Variants in INSL6 observed in about 807,000 individuals in gnomAD.
INSL6 encodes the protein insulin-like peptide INSL6.
A neutral mutation model predicts 9.4 loss-of-function variants in INSL6; 16 were observed. That is an observed-to-expected ratio of 1.70 (90% CI 1.15 to 2.59). The LOEUF (loss-of-function observed/expected upper bound fraction) is 2.59. Among genes scored for constraint, INSL6 ranks in the 30% most tolerant of loss-of-function variants. The probability of loss-of-function intolerance (pLI) is 0.00; values close to 1 mark genes in which losing one functional copy is unlikely to be tolerated. For missense variants in INSL6, 391 were observed against 257.3 expected, an observed-to-expected ratio of 1.52 and a Z score of -3.56; for synonymous variants, 154 against 96.9, an observed-to-expected ratio of 1.59 and a Z score of -3.46.
the INSL6 span, chr9:5,080,793 G>A: frequency 1.3e-6 from 1 of 777,954 alleles, no homozygotes; most frequent in South Asian, 3.1e-5. Context: ...TGTCATTTGG[G>A]CCCTCTTAAT....
chr9:5,156,730 T>G (rs1824820768), intron 2 of INSL6, among the ~76,000 whole-genome samples: 2 of 151,838 alleles, frequency 1.3e-5, no homozygotes, highest in African/African-American at 4.8e-5. Context: ...AAAGAAAAAA[T>G]AAAAGTCTCT....
the INSL6 span, among the ~76,000 whole-genome samples, chr9:5,073,072 C>T: frequency 6.6e-6 from 1 of 152,110 alleles, no homozygotes; most frequent in African/African-American, 2.4e-5. Context: ...TGGCCAGTTG[C>T]CAGAGCTCTG....
At chr9:5,180,118 T>C (rs1291539117) in intron 1 of INSL6, among the ~76,000 whole-genome samples, 7 of 152,210 alleles carry the variant, frequency 4.6e-5, no homozygotes, top group African/African-American at 1.7e-4. Context: ...GAACATAAAT[T>C]GTGAAGATTT....
the INSL6 span, among the ~76,000 whole-genome samples, chr9:5,005,522 C>G: frequency 4.6e-3 from 705 of 152,120 alleles, 6 homozygotes; most frequent in African/African-American, 0.016. Flanking sequence ...TTCATTTGGT[C>G]AAGATGTATT....
chr9:5,078,250 A>G, the INSL6 span: 1 of 1,437,158 alleles, frequency 7.0e-7, no homozygotes, highest in Admixed American at 1.9e-5. Context: ...GAACATACTA[A>G]ATGCTCCAGT....
chr9:5,123,539 T>G (rs1051805844), downstream of INSL6, among the ~76,000 whole-genome samples: 1 of 151,994 alleles, frequency 6.6e-6, no homozygotes, highest in Admixed American at 6.6e-5. Context: ...ATTTTCTTTA[T>G]CCAGTCATCC....
the INSL6 span, among the ~76,000 whole-genome samples, chr9:5,078,700 T>C: frequency 5.2e-3 from 787 of 152,278 alleles, 12 homozygotes; most frequent in African/African-American, 0.018. Flanking sequence ...AAGGATAGGA[T>C]TTTATCCATT....
the INSL6 span, among the ~76,000 whole-genome samples, chr9:4,998,752 A>G: frequency 1.3e-5 from 2 of 150,638 alleles, no homozygotes; most frequent in East Asian, 3.9e-4. Flanking sequence ...AAAAAAAAAA[A>G]CAACAAAAAA....
intron 2 of INSL6, among the ~76,000 whole-genome samples, chr9:5,145,032 T>G (rs1290571352): frequency 6.6e-6 from 1 of 152,226 alleles, no homozygotes; most frequent in Non-Finnish European, 1.5e-5. Context: ...TTTTGCAGAC[T>G]TGTTTATGTG....
the INSL6 span, among the ~76,000 whole-genome samples, chr9:5,059,127 A>G: frequency 2.9e-4 from 44 of 152,310 alleles, no homozygotes; most frequent in African/African-American, 9.9e-4. Flanking sequence ...GTATAGCTCA[A>G]TGAATTTTTA....
the INSL6 span, chr9:5,081,595 C>G: frequency 3.2e-6 from 2 of 624,296 alleles, no homozygotes; most frequent in South Asian, 2.2e-5. Flanking sequence ...ATAATTGAAA[C>G]TATTTGAGTT....
At chr9:5,108,699 C>A in the INSL6 span, 2 of 151,898 alleles carry the variant, frequency 1.3e-5, no homozygotes, top group African/African-American at 4.8e-5. Flanking sequence ...TATAGCCTAC[C>A]CCTTCCTCAC....
At chr9:5,049,217 C>A in the INSL6 span, among the ~76,000 whole-genome samples, 2 of 152,192 alleles carry the variant, frequency 1.3e-5, no homozygotes, top group African/African-American at 2.4e-5. Context: ...TCAAGCACTT[C>A]TATCATTGCT....
intron 2 of INSL6, among the ~76,000 whole-genome samples, chr9:5,141,266 T>C (rs961319984): frequency 4.6e-5 from 7 of 152,204 alleles, no homozygotes; most frequent in Non-Finnish European, 1.0e-4. Context: ...CTCTAGGTCT[T>C]TGAGGAATAG....
At chr9:5,009,502 T>C in the INSL6 span, among the ~76,000 whole-genome samples, 1 of 152,128 alleles carries the variant, frequency 6.6e-6, no homozygotes, top group Non-Finnish European at 1.5e-5. Context: ...AGTGATGCTT[T>C]ATGTTTTCAA....
At chr9:5,082,396 G>A in the INSL6 span, among the ~76,000 whole-genome samples, 1 of 152,250 alleles carries the variant, frequency 6.6e-6, no homozygotes, top group Non-Finnish European at 1.5e-5. Flanking sequence ...AAACATCTCA[G>A]TGGAGTAAAG....
downstream of INSL6, among the ~76,000 whole-genome samples, chr9:5,160,681 G>A (rs1168188514): frequency 6.6e-6 from 1 of 152,010 alleles, no homozygotes; most frequent in South Asian, 2.1e-4. Flanking sequence ...AAACAAAACT[G>A]ACAAAATGTT....
chr9:5,128,682 A>C (rs1308978716), intron 3 of INSL6, among the ~76,000 whole-genome samples: 1 of 151,954 alleles, frequency 6.6e-6, no homozygotes, highest in Non-Finnish European at 1.5e-5. Flanking sequence ...GAATGGGGTG[A>C]CTACCTTATT....
chr9:5,042,124 C>CTTTT, the INSL6 span, among the ~76,000 whole-genome samples: 84 of 107,602 alleles, frequency 7.8e-4, no homozygotes, highest in East Asian at 1.3e-3. Flanking sequence ...GCCAAAATTT[C>CTTTT]TTTTTTTTTT....
Sources: gnomAD v4.1 joint callset for allele counts (sites outside exome capture counted in the v4.1 genomes callset) on GRCh38, gnomAD v4.1.1 for gene constraint, MANE v1.5 for transcripts, NCBI Gene and HGNC (gene_info 2026-07-23, HGNC 2026-07-21) for gene names.